The following PCED1B variants were observed in gnomAD, a reference collection of about 807,000 sequenced individuals.
PCED1B encodes the protein PC-esterase domain containing 1B.
For synonymous variants in PCED1B, 251 were observed against 246.1 expected (o/e 1.02, Z -0.19); for missense variants, 573 against 573.9 (o/e 1.00, Z 0.02).
At chr12:47,151,502 A>T (rs1016646061) in intron 2 of PCED1B, among the ~76,000 whole-genome samples, 72 of 152,346 alleles carry the variant, frequency 4.7e-4, no homozygotes, top group African/African-American at 1.7e-3. Context: ...CCTGTCATCA[A>T]GCAATGTGTG....
intron 3 of PCED1B, among the ~76,000 whole-genome samples, chr12:47,227,687 C>T (rs1000030231): frequency 6.6e-6 from 1 of 151,238 alleles, no homozygotes; most frequent in Admixed American, 6.6e-5. Flanking sequence ...AACCCCGTCT[C>T]TACTAAAAAT....
Position 47,235,724 on chromosome 12 carries a change from G to A in PCED1B, c.661G>A (p.Ala221Thr). The A allele has an allele frequency of 2.5e-6, 4 of 1,610,332 alleles. No individual in the cohort carries two copies. The South Asian group carries it at 3.3e-5, about 13-fold the overall frequency. Residue 221 changes from alanine to threonine, a missense_variant, in exon 4 of 4, where the codon GCG becomes ACG. By Grantham distance (58) the Ala-to-Thr change is moderately conservative (BLOSUM62 0). Transcript: ENST00000546455. ...GGACTTGCATTTCCACTTCCGCCACGCGAGGGAGAACCTGCACTGGGACGG... is the reference window on the plus strand; with the variant it reads ...GGACTTGCATTTCCACTTCCGCCACACGAGGGAGAACCTGCACTGGGACGG... ...VLDLHFHFRH[A>T]RENLHWDGVH...
intron 2 of PCED1B, among the ~76,000 whole-genome samples, chr12:47,200,086 G>A (rs1942718845): frequency 6.6e-6 from 1 of 152,168 alleles, no homozygotes; most frequent in East Asian, 1.9e-4. Flanking sequence ...TATAGTCCCA[G>A]CTACTCAGGA....
At chr12:47,199,144 T>C (rs954779596) in intron 2 of PCED1B, among the ~76,000 whole-genome samples, 3 of 152,028 alleles carry the variant, frequency 2.0e-5, no homozygotes, top group Non-Finnish European at 2.9e-5. Context: ...GAATTTGAAA[T>C]AAAAAATAGA....
intron 1 of PCED1B, among the ~76,000 whole-genome samples, chr12:47,103,105 A>C (rs928525768): frequency 6.7e-6 from 1 of 150,064 alleles, no homozygotes; most frequent in Admixed American, 6.6e-5. Context: ...ACAGAGTTTT[A>C]AAAAAAAAAT....
At chr12:47,181,200 G>T (rs1336502459) in intron 2 of PCED1B, among the ~76,000 whole-genome samples, 5 of 151,928 alleles carry the variant, frequency 3.3e-5, no homozygotes, top group Non-Finnish European at 7.4e-5. Context: ...GCCCAGGCTG[G>T]TCTTGAACTC....
chr12:47,211,748 A>G (rs1028124511), intron 2 of PCED1B, among the ~76,000 whole-genome samples: 2 of 150,398 alleles, frequency 1.3e-5, no homozygotes, highest in African/African-American at 4.9e-5. Context: ...ACTTGAGCCC[A>G]GAAGTTCAAA....
At chr12:47,101,823 G>A (rs1365090437) in intron 1 of PCED1B, among the ~76,000 whole-genome samples, 1 of 152,044 alleles carries the variant, frequency 6.6e-6, no homozygotes, top group African/African-American at 2.4e-5. Flanking sequence ...GTGCATGCCT[G>A]TAATCCCAGC....
intron 2 of PCED1B, among the ~76,000 whole-genome samples, chr12:47,121,712 C>G (rs1939684891): frequency 6.6e-6 from 1 of 152,116 alleles, no homozygotes; most frequent in South Asian, 2.1e-4. Flanking sequence ...AAGCTTCTTT[C>G]CTGTCTCTGT....
chr12:47,133,064 G>C (rs1236554463), intron 2 of PCED1B, among the ~76,000 whole-genome samples: 1 of 152,088 alleles, frequency 6.6e-6, no homozygotes, highest in African/African-American at 2.4e-5. Context: ...TTCTTACAAA[G>C]GGGACTGTAT....
At chr12:47,112,843 A>T (rs955166366) in intron 2 of PCED1B, among the ~76,000 whole-genome samples, 1 of 152,100 alleles carries the variant, frequency 6.6e-6, no homozygotes, top group Non-Finnish European at 1.5e-5. Flanking sequence ...TAAGAGACTA[A>T]AGTTTCATTT....
At chr12:47,182,174 AG>A (rs1320783886) in intron 2 of PCED1B, among the ~76,000 whole-genome samples, 9 of 152,204 alleles carry the variant, frequency 5.9e-5, no homozygotes, top group Non-Finnish European at 1.3e-4. Flanking sequence ...CCTTCTAGTG[AG>A]GGGGTGCTAG....
At chr12:47,106,746 A>G (rs1362650489) in intron 2 of PCED1B, among the ~76,000 whole-genome samples, 2 of 152,222 alleles carry the variant, frequency 1.3e-5, no homozygotes, top group African/African-American at 4.8e-5. Flanking sequence ...AGAAAAAATA[A>G]ATCTCTCCTG....
chr12:47,221,004 C>T (rs780496189), intron 3 of PCED1B, among the ~76,000 whole-genome samples: 2 of 152,178 alleles, frequency 1.3e-5, no homozygotes, highest in Non-Finnish European at 2.9e-5. Flanking sequence ...TATCCCAAGA[C>T]ATAAAAAGTT....
At chr12:47,088,281 G>A (rs551780668) in intron 1 of PCED1B, among the ~76,000 whole-genome samples, 1 of 152,170 alleles carries the variant, frequency 6.6e-6, no homozygotes, top group South Asian at 2.1e-4. Context: ...AGCTGGAGAG[G>A]TGTCTCAACA....
intron 3 of PCED1B, among the ~76,000 whole-genome samples, chr12:47,220,568 G>A (rs1337322872): frequency 1.3e-5 from 2 of 152,192 alleles, no homozygotes; most frequent in Non-Finnish European, 2.9e-5. Flanking sequence ...TGTGAGAATG[G>A]AATAGGCCTG....
At chr12:47,115,939 A>T (rs1939400667) in intron 2 of PCED1B, among the ~76,000 whole-genome samples, 1 of 152,224 alleles carries the variant, frequency 6.6e-6, no homozygotes, top group Non-Finnish European at 1.5e-5. Context: ...TTTACTTCAC[A>T]TTAGTGAAAC....
At chr12:47,145,587 T>C (rs4598738) in intron 2 of PCED1B, among the ~76,000 whole-genome samples, 87,219 of 152,046 alleles carry the variant, frequency 0.57, 25,805 homozygotes, top group Admixed American at 0.64. Context: ...AAGCTAATGC[T>C]CATTTAGCAT....
At chr12:47,101,927 C>T (rs1938725055) in intron 1 of PCED1B, among the ~76,000 whole-genome samples, 1 of 150,226 alleles carries the variant, frequency 6.7e-6, no homozygotes, top group Non-Finnish European at 1.5e-5. Flanking sequence ...GCCTGGGCAA[C>T]AAGAGCAAAA....
Sources: allele counts gnomAD v4.1 joint callset (sites outside exome capture counted in the v4.1 genomes callset), GRCh38; gene constraint gnomAD v4.1.1; transcripts MANE v1.5; gene names NCBI Gene and HGNC (gene_info 2026-07-23, HGNC 2026-07-21).